The following OR1J2 variants were observed in gnomAD, a reference collection of about 807,000 sequenced individuals.
The protein encoded by OR1J2 is olfactory receptor family 1 subfamily J member 2.
For missense variants in OR1J2, 304 were observed against 246.1 expected (o/e 1.24, Z -1.57); for synonymous variants, 142 against 99.7 (o/e 1.42, Z -2.52).
chr9:122,569,048 A>G, the OR1J2 span, among the ~76,000 whole-genome samples: 1 of 146,534 alleles, frequency 6.8e-6, no homozygotes, highest in Non-Finnish European at 1.5e-5. Context: ...TTATCTTTGC[A>G]TTGTCTTGAA....
chr9:122,529,867 C>T, the OR1J2 span, among the ~76,000 whole-genome samples: 1 of 152,178 alleles, frequency 6.6e-6, no homozygotes, highest in African/African-American at 2.4e-5. Flanking sequence ...CCACCTGCGA[C>T]TGTTTGTCTC....
the OR1J2 span, among the ~76,000 whole-genome samples, chr9:122,549,405 A>T: frequency 2.6e-5 from 4 of 152,264 alleles, no homozygotes; most frequent in Middle Eastern, 3.4e-3. Flanking sequence ...ACCCACCCTC[A>T]GATTTTCCTT....
the OR1J2 span, chr9:122,519,343 T>C: frequency 6.2e-7 from 1 of 1,614,182 alleles, no homozygotes; most frequent in Admixed American, 1.7e-5. Flanking sequence ...CACTTGGCTC[T>C]CACTGACATC....
chr9:122,453,631 C>T, the OR1J2 span, among the ~76,000 whole-genome samples: 3 of 152,180 alleles, frequency 2.0e-5, no homozygotes, highest in Non-Finnish European at 2.9e-5. Context: ...CCATAATCAT[C>T]GTATTGGAAA....
chr9:122,495,505 T>C, the OR1J2 span, among the ~76,000 whole-genome samples: 7 of 152,118 alleles, frequency 4.6e-5, no homozygotes, highest in South Asian at 1.4e-3. Context: ...GTATTTTGCA[T>C]TTCTCTATGT....
the OR1J2 span, among the ~76,000 whole-genome samples, chr9:122,566,370 T>G: frequency 6.6e-6 from 1 of 152,202 alleles, no homozygotes; most frequent in South Asian, 2.1e-4. Flanking sequence ...GAGGAAATAT[T>G]CTCCCTCCAT....
chr9:122,554,130 CT>C, the OR1J2 span: 56 of 1,612,462 alleles, frequency 3.5e-5, no homozygotes, highest in Non-Finnish European at 4.7e-5. Flanking sequence ...TTTGGGTAAA[CT>C]TTTTGTCAGT....
chr9:122,476,035 C>A, the OR1J2 span, among the ~76,000 whole-genome samples: 12 of 152,134 alleles, frequency 7.9e-5, no homozygotes, highest in African/African-American at 1.9e-4. Flanking sequence ...TTTAAACTTA[C>A]CTTTTGGAGT....
chr9:122,499,744 A>G, the OR1J2 span, among the ~76,000 whole-genome samples: 1 of 152,210 alleles, frequency 6.6e-6, no homozygotes, highest in Admixed American at 6.5e-5. Context: ...ATCTATGTCC[A>G]GGAAGGGTTG....
At chr9:122,493,177 TCTTTCC>T in the OR1J2 span, among the ~76,000 whole-genome samples, 1 of 152,108 alleles carries the variant, frequency 6.6e-6, no homozygotes, top group Non-Finnish European at 1.5e-5. Context: ...TTTTTTGTTA[TCTTTCC>T]CTGGTTTTGG....
At chr9:122,490,731 T>A in the OR1J2 span, among the ~76,000 whole-genome samples, 1 of 152,130 alleles carries the variant, frequency 6.6e-6, no homozygotes, top group Non-Finnish European at 1.5e-5. Context: ...GGGAAGAGGT[T>A]CAGGATGAGT....
the OR1J2 span, among the ~76,000 whole-genome samples, chr9:122,535,653 A>C: frequency 2.6e-5 from 4 of 152,104 alleles, no homozygotes; most frequent in Admixed American, 1.3e-4. Flanking sequence ...TGAGGACCTG[A>C]GGTCGTAGGT....
chr9:122,477,661 T>C, the OR1J2 span: 14 of 1,614,118 alleles, frequency 8.7e-6, no homozygotes, highest in South Asian at 7.7e-5. Context: ...GACGGCTAGG[T>C]GCTGAGTCTG....
At chr9:122,519,245 C>T in the OR1J2 span, 1 of 1,614,060 alleles carries the variant, frequency 6.2e-7, no homozygotes. Context: ...TGGGCATGTA[C>T]CTGATCACGG....
chr9:122,539,594 T>C, the OR1J2 span, among the ~76,000 whole-genome samples: 6 of 152,210 alleles, frequency 3.9e-5, 1 homozygote, highest in Admixed American at 3.3e-4. Context: ...TGTGTCTTTA[T>C]AGCAGCATGA....
chr9:122,452,707 G>A, the OR1J2 span, among the ~76,000 whole-genome samples: 2 of 152,014 alleles, frequency 1.3e-5, no homozygotes, highest in African/African-American at 4.8e-5. Context: ...GGTCATGGGG[G>A]TGTGTTCTCC....
At chr9:122,560,424 C>T in the OR1J2 span, among the ~76,000 whole-genome samples, 22 of 152,146 alleles carry the variant, frequency 1.4e-4, no homozygotes, top group Admixed American at 5.2e-4. Context: ...TTCATAGTAT[C>T]GTTGGTCTTT....
chr9:122,540,912 CTGTT>C, the OR1J2 span, among the ~76,000 whole-genome samples: 38 of 147,932 alleles, frequency 2.6e-4, no homozygotes, highest in Non-Finnish European at 3.3e-4. Context: ...ATTTGGCTCT[CTGTT>C]TGTCTGTTAT....
chr9:122,508,336 G>A (rs1161056532), upstream of OR1J2, among the ~76,000 whole-genome samples: 1 of 152,088 alleles, frequency 6.6e-6, no homozygotes, highest in Non-Finnish European at 1.5e-5. Context: ...GTTAGGTTGA[G>A]GTCTATATAT....
Sources: gnomAD v4.1 joint callset for allele counts (sites outside exome capture counted in the v4.1 genomes callset) on GRCh38, gnomAD v4.1.1 for gene constraint, MANE v1.5 for transcripts, NCBI Gene and HGNC (gene_info 2026-07-23, HGNC 2026-07-21) for gene names.